The following GAL3ST2 variants were observed in gnomAD, a reference collection of about 807,000 sequenced individuals.
The protein encoded by GAL3ST2 is galactose-3-O-sulfotransferase 2.
In GAL3ST2, 16 loss-of-function variants were observed where a neutral mutation model predicts 12.9. The observed-to-expected ratio is 1.24, with a 90% CI of 0.84 to 1.88. The LOEUF (loss-of-function observed/expected upper bound fraction) is 1.88. GAL3ST2 is among the 40% of genes most tolerant of loss of function. The probability of loss-of-function intolerance (pLI) is 0.00; values close to 1 mark genes in which losing one functional copy is unlikely to be tolerated. For synonymous variants in GAL3ST2, 302 were observed against 273.9 expected (o/e 1.10, Z -1.01); for missense variants, 639 against 571.8 (o/e 1.12, Z -1.20).
At chr2:241,781,604 C>T (rs1381608182) in intron 1 of GAL3ST2, among the ~76,000 whole-genome samples, 1 of 131,512 alleles carries the variant, frequency 7.6e-6, no homozygotes, top group Non-Finnish European at 1.6e-5. Context: ...TTATTGATAA[C>T]ATACATTAAA....
Position 241,799,064 on chromosome 2 carries a change from G to A in GAL3ST2, c.30-1G>A. The A allele has an allele frequency of 6.2e-7, 1 of 1,613,254 alleles. No homozygotes were observed. The highest frequency in any genetic ancestry group is 8.5e-7 in the Non-Finnish European group (1 of 1,179,860). Reference sequence around the variant, plus strand: ...GCACTCATGGCCTGCCCTTTCCACAGATACTTCCGGGTCATCCTCCTCCTC... The same window carrying A: ...GCACTCATGGCCTGCCCTTTCCACAAATACTTCCGGGTCATCCTCCTCCTC... On this transcript the variant is annotated splice_acceptor_variant, in intron 1 of 3. Transcript: ENST00000192314. LOFTEE classifies it high-confidence loss of function.
chr2:241,788,527 G>A (rs1350312222), intron 1 of GAL3ST2, among the ~76,000 whole-genome samples: 1 of 151,816 alleles, frequency 6.6e-6, no homozygotes, highest in Admixed American at 6.6e-5. Context: ...ATTTGTGCGA[G>A]GAACTGAACT....
At position 241,804,031 on chromosome 2, in the gene GAL3ST2, C is replaced by A; in HGVS notation, c.1062C>A (p.Leu354=). Residue 354 remains leucine (L), a synonymous_variant, in exon 4 of 4, where the codon CTC becomes CTA. Transcript: ENST00000192314. ...SGKADILGYN[L]RPGLDNQTLG... The stretch of plus-strand genomic sequence containing the variant: ...AGGCCGACATCCTGGGTTACAACCT[C>A]CGGCCGGGCCTGGACAACCAGACGC... 6.4e-7 allele frequency: 1 copy of A among 1,563,904 alleles called. No homozygotes were observed. The highest frequency in any genetic ancestry group is 1.4e-5 in the African/African-American group (1 of 72,624).
Position 241,777,376 on chromosome 2 carries a change from CT to C in GAL3ST2, c.29+394del, listed in dbSNP as rs57604303. Among the ~76,000 whole-genome samples, 520 of 152,270 alleles carry C rather than the reference CT, an allele frequency of 3.4e-3. 1 individual carries two copies. The highest frequency in any genetic ancestry group is 0.011 in the African/African-American group (474 of 41,564). On this transcript the variant is annotated intron_variant, in intron 1 of 3. Coordinates refer to ENST00000192314, the MANE Select transcript of GAL3ST2 (RefSeq NM_022134.3). The stretch of plus-strand genomic sequence containing the variant: ...GCCGTGTTGGTGGGAGTGCCAGGCG[CT>C]TGCTGGAGCGTTGGTCATGCGTGCG...
At position 241,776,953 on chromosome 2, in the gene GAL3ST2, A is replaced by G; in HGVS notation, c.-3A>G. On this transcript the variant is annotated 5_prime_UTR_variant, in exon 1 of 4. Coordinates refer to ENST00000192314, the MANE Select transcript of GAL3ST2 (RefSeq NM_022134.3). ...GTCCCCTCGCTGGAGGCCAGAGGCC[A>G]AGATGATGTCCATGCTGGGCGGCTT... 1 of 1,551,056 alleles carries G rather than the reference A, an allele frequency of 6.4e-7. No homozygotes were observed. Among genetic ancestry groups the G allele is most frequent in the Non-Finnish European group, 8.7e-7 (1 of 1,144,526 alleles).
At chr2:241,798,803 A>G (rs929434748) in intron 1 of GAL3ST2, among the ~76,000 whole-genome samples, 3 of 152,162 alleles carry the variant, frequency 2.0e-5, no homozygotes, top group African/African-American at 7.2e-5. Context: ...AACCCCAGGG[A>G]AAGGGATGGC....
intron 2 of GAL3ST2, 150 bp downstream of exon 2, chr2:241,799,304 C>A: frequency 1.3e-6 from 1 of 745,310 alleles, no homozygotes. Context: ...TGGGGGGACC[C>A]TGAGAGTCTC....
At position 241,801,756 on chromosome 2, in the gene GAL3ST2, A is replaced by G. The variant is rs754987834; in HGVS notation, c.120-25A>G. On this transcript the variant is annotated intron_variant, in intron 2 of 3. Coordinates refer to ENST00000192314, the MANE Select transcript of GAL3ST2 (RefSeq NM_022134.3). This position sits in a 1 kb window ranked among gnomAD's most constrained non-coding sequence, Gnocchi z 4.4. ...GTTGGGGCATCTGCACCCTTGCTGA[A>G]GGCTGCGTGTGCCTTCCCTCCCAGC... 6.2e-7 allele frequency: 1 copy of G among 1,605,386 alleles called. No individual in the cohort carries two copies. Among genetic ancestry groups the G allele is most frequent in the Non-Finnish European group, 8.5e-7 (1 of 1,175,950 alleles).
In GAL3ST2 at chr2:241,804,198, G is replaced by C. The variant is rs1361455528; in HGVS notation, c.*32G>C. 7 of 1,378,522 alleles carry C rather than the reference G, an allele frequency of 5.1e-6. No homozygotes were observed. Among genetic ancestry groups the C allele is most frequent in the Non-Finnish European group, 6.6e-6 (7 of 1,057,540 alleles). The allele number at this position is 1,378,522 out of a possible 1,614,324, so 85.4% of individuals were successfully genotyped here. A position where few individuals can be genotyped will look rare whatever the true frequency, so the allele number is the denominator to read the frequency against. Reference sequence around the variant, plus strand: ...CGGGCCGGGGACGAGGCCTCCTGCGGACACCAGCTCCTCTCTCCGCCGTCA... The same window carrying C: ...CGGGCCGGGGACGAGGCCTCCTGCGCACACCAGCTCCTCTCTCCGCCGTCA... On this transcript the variant is annotated 3_prime_UTR_variant, in exon 4 of 4. Transcript: ENST00000192314.
At chr2:241,787,641 G>C (rs1421180108) in intron 1 of GAL3ST2, among the ~76,000 whole-genome samples, 1 of 149,190 alleles carries the variant, frequency 6.7e-6, no homozygotes, top group Non-Finnish European at 1.5e-5. Context: ...TATGGAGTTT[G>C]AGCTCACTTC....
intron 1 of GAL3ST2, among the ~76,000 whole-genome samples, chr2:241,785,825 AAACATGAAG>A (rs1449073373): frequency 1.3e-5 from 2 of 152,094 alleles, no homozygotes; most frequent in Non-Finnish European, 2.9e-5. Context: ...AAAAACCCAA[AAACATGAAG>A]AACATGAAGA....
chr2:241,779,788 A>C (rs12472860), intron 1 of GAL3ST2, among the ~76,000 whole-genome samples: 6,130 of 151,048 alleles, frequency 0.041, 334 homozygotes, highest in East Asian at 0.15. Context: ...GAGTTTGAGA[A>C]CAGCCTGACC....
At position 241,803,327 on chromosome 2, in the gene GAL3ST2, C is replaced by G; in HGVS notation, c.376-18C>G. 6.4e-7 allele frequency: 1 copy of G among 1,571,398 alleles called. No individual in the cohort carries two copies. The highest frequency in any genetic ancestry group is 1.3e-5 in the African/African-American group (1 of 74,156). On this transcript the variant is annotated intron_variant, in intron 3 of 3. Coordinates refer to ENST00000192314, the MANE Select transcript of GAL3ST2 (RefSeq NM_022134.3). Reference sequence around the variant, plus strand: ...CCTGGGCCCGCGGTCCGCAGCCCGCCTCTCTGTCGCCACACAGGTGCAGAA... The same window carrying G: ...CCTGGGCCCGCGGTCCGCAGCCCGCGTCTCTGTCGCCACACAGGTGCAGAA...
In GAL3ST2 at chr2:241,802,123, A is replaced by G. The variant is rs975564643; in HGVS notation, c.375+87A>G. 123 of 1,458,178 alleles carry G rather than the reference A, an allele frequency of 8.4e-5. No homozygotes were observed. In the African/African-American group the frequency reaches 1.4e-3, roughly 16 times the overall value. 90.3% of individuals were successfully genotyped at this position (1,458,178 alleles called of 1,614,324 possible). A position where few individuals can be genotyped will look rare whatever the true frequency, so the allele number is the denominator to read the frequency against. The stretch of plus-strand genomic sequence containing the variant: ...GTGGTGTAGCCTGGAGGCTGGAGAG[A>G]AGGAGTGTAAGGCTTGGGGGCGGGG... On this transcript the variant is annotated intron_variant, in intron 3 of 3. Coordinates refer to ENST00000192314, the MANE Select transcript of GAL3ST2 (RefSeq NM_022134.3). The surrounding 1 kb of genome is among the most constrained non-coding windows in gnomAD (Gnocchi z 4.8).
chr2:241,778,133 C>T (rs975342756), intron 1 of GAL3ST2, among the ~76,000 whole-genome samples: 4 of 152,232 alleles, frequency 2.6e-5, no homozygotes, highest in Non-Finnish European at 5.9e-5. Context: ...AGGGAAGCCC[C>T]GAGTCACTTC....
rs536158576 is a variant in GAL3ST2 at position 241,804,217 on chromosome 2, G to A, written c.*51G>A. The A allele has an allele frequency of 3.5e-4, 472 of 1,338,446 alleles. 8 individuals carry two copies. The Middle Eastern group carries it at 3.9e-3, about 11-fold the overall frequency. The allele number at this position is 1,338,446 out of a possible 1,614,324, so 82.9% of individuals were successfully genotyped here. On this transcript the variant is annotated 3_prime_UTR_variant, in exon 4 of 4. Coordinates refer to ENST00000192314, the MANE Select transcript of GAL3ST2 (RefSeq NM_022134.3). ...CCTGCGGACACCAGCTCCTCTCTCC[G>A]CCGTCACCGGGGAGGCCGGGGATCC...
Position 241,803,822 on chromosome 2 carries a change from C to A in GAL3ST2, c.853C>A (p.His285Asn), listed in dbSNP as rs550417478. The A allele has an allele frequency of 2.4e-3, 3,600 of 1,492,506 alleles. 3 individuals are homozygous for A. The highest frequency in any genetic ancestry group is 2.8e-3 in the Non-Finnish European group (3,107 of 1,129,376). 92.5% of individuals were successfully genotyped at this position (1,492,506 alleles called of 1,614,324 possible). ...WCALDWRLYE[H>N]FNRTLWAQLR... is the part of the protein sequence containing the mutation. ...CGCGCTGGACTGGCGCCTGTACGAG[C>A]ATTTCAACCGCACCCTCTGGGCGCA... Residue 285 changes from histidine to asparagine, a missense_variant, in exon 4 of 4, where the codon CAT becomes AAT. Coordinates refer to ENST00000192314, the MANE Select transcript of GAL3ST2 (RefSeq NM_022134.3).
intron 1 of GAL3ST2, among the ~76,000 whole-genome samples, chr2:241,779,335 G>A (rs367760972): frequency 7.3e-6 from 1 of 136,994 alleles, no homozygotes; most frequent in Non-Finnish European, 1.5e-5. Flanking sequence ...CCGGGTTCAC[G>A]CCATTCTCCC....
At position 241,793,732 on chromosome 2, in the gene GAL3ST2, GTGTATA is replaced by G. The variant is rs1017369695; in HGVS notation, c.30-5327_30-5322del. 2.6e-5 allele frequency among the ~76,000 whole-genome samples: 4 copies of G among 151,434 alleles called. No individual in the cohort carries two copies. The highest frequency in any genetic ancestry group is 2.1e-4 in the South Asian group (1 of 4,802). On this transcript the variant is annotated intron_variant, in intron 1 of 3. Transcript: ENST00000192314. This position sits in a 1 kb window ranked among gnomAD's most constrained non-coding sequence, Gnocchi z 4.7. ...GTATTGTGTATGCATGTGTGTATGT[GTGTATA>G]TGTATGTGTGTGTGTATTGTGTATG...
Sources: gnomAD v4.1 joint callset for allele counts (sites outside exome capture counted in the v4.1 genomes callset) on GRCh38, gnomAD v4.1.1 for gene constraint, Gnocchi (gnomAD v3.1) non-coding constraint, MANE v1.5 for transcripts, NCBI Gene and HGNC (gene_info 2026-07-23, HGNC 2026-07-21) for gene names.